The following MMRN1 variants were observed in gnomAD, a reference collection of about 807,000 sequenced individuals.
MMRN1 encodes the protein multimerin 1, also known as multimerin-1.
Under a neutral mutation model 100.7 loss-of-function variants are expected in MMRN1, and 94 were observed. The observed-to-expected ratio is 0.93, with a 90% CI of 0.79 to 1.11. The LOEUF is 1.11. Ranked by LOEUF, MMRN1 falls within the 50% of genes least tolerant of loss-of-function variation. The pLI is 0.00. For synonymous variants in MMRN1, 575 were observed against 505.0 expected, an observed-to-expected ratio of 1.14 and a Z score of -1.86; for missense variants, 1,606 against 1,439.1, an observed-to-expected ratio of 1.12 and a Z score of -1.88.
At chr4:89,919,638 A>G (rs1722027302) in intron 3 of MMRN1, among the ~76,000 whole-genome samples, 1 of 151,914 alleles carries the variant, frequency 6.6e-6, no homozygotes, top group Non-Finnish European at 1.5e-5. Context: ...TTCCAGACTA[A>G]CTGAGTTTGC....
chr4:89,945,129 T>C (rs1343433882), intron 6 of MMRN1, among the ~76,000 whole-genome samples: 1 of 152,224 alleles, frequency 6.6e-6, no homozygotes, highest in Non-Finnish European at 1.5e-5. Flanking sequence ...CTTTGGAGTC[T>C]GGCTTCTTTC....
In MMRN1 at chr4:89,887,850, A is replaced by G. The variant is rs529652661; in HGVS notation, c.-248-6874A>G. The stretch of plus-strand genomic sequence containing the variant: ...ACAAATGCTATCAATCTCACCATAC[A>G]TTATTGCTGTGATTTTTATCTCAAC... On this transcript the variant is annotated intron_variant, in intron 1 of 8. Coordinates refer to the MMRN1 transcript ENST00000394980. Among the ~76,000 whole-genome samples, 3 of 151,960 alleles carry G rather than the reference A, an allele frequency of 2.0e-5. No homozygotes were observed. In the South Asian group the frequency reaches 6.2e-4, roughly 32 times the overall value.
In MMRN1 at chr4:89,887,106, A is replaced by G. The variant is rs187278468; in HGVS notation, c.-249+7504A>G. Among the ~76,000 whole-genome samples, 500 of 152,208 alleles carry G rather than the reference A, an allele frequency of 3.3e-3. 1 individual carries two copies. The highest frequency in any genetic ancestry group is 0.012 in the African/African-American group (487 of 41,562). ...CCCACAAATTAAAGAAAACATGTGT[A>G]TGTTTTTGAAGCCTTTGTCAAAAAT... is the stretch of plus-strand genomic sequence containing the variant. On this transcript the variant is annotated intron_variant, in intron 1 of 8. Coordinates refer to the MMRN1 transcript ENST00000394980.
chr4:89,889,826 T>C (rs1721011363), intron 1 of MMRN1, among the ~76,000 whole-genome samples: 1 of 151,894 alleles, frequency 6.6e-6, no homozygotes, highest in African/African-American at 2.4e-5. Context: ...AAAATCTTCT[T>C]CTACTTGCAA....
At chr4:89,895,918 T>C (rs1721192231) in intron 1 of MMRN1, among the ~76,000 whole-genome samples, 1 of 152,152 alleles carries the variant, frequency 6.6e-6, no homozygotes, top group African/African-American at 2.4e-5. Context: ...GATATGTTGA[T>C]TGTGTTCCCA....
At chr4:89,909,133 A>G in intron 1 of MMRN1, 143 bp from the exon 2 acceptor site, 1 of 756,730 alleles carries the variant, frequency 1.3e-6, no homozygotes, top group Non-Finnish European at 2.0e-6. Flanking sequence ...TTATATTTAA[A>G]TATTTTAAAG....
intron 6 of MMRN1, among the ~76,000 whole-genome samples, chr4:89,938,654 G>T (rs1408397215): frequency 4.0e-5 from 6 of 151,370 alleles, no homozygotes; most frequent in Non-Finnish European, 8.8e-5. Flanking sequence ...TATAAAAATT[G>T]TATCTAGATA....
chr4:89,896,292 G>T (rs1721205524), intron 1 of MMRN1, among the ~76,000 whole-genome samples: 1 of 152,118 alleles, frequency 6.6e-6, no homozygotes, highest in South Asian at 2.1e-4. Flanking sequence ...TGATTATTTT[G>T]AGTTGTGTTG....
intron 1 of MMRN1, among the ~76,000 whole-genome samples, chr4:89,882,482 G>C (rs188516911): frequency 6.6e-6 from 1 of 151,720 alleles, no homozygotes; most frequent in Non-Finnish European, 1.5e-5. Flanking sequence ...TTAAATTTTA[G>C]TTGAACACTT....
At chr4:89,941,682 T>A (rs1159042850) in intron 6 of MMRN1, among the ~76,000 whole-genome samples, 1 of 152,090 alleles carries the variant, frequency 6.6e-6, no homozygotes, top group African/African-American at 2.4e-5. Context: ...GAAGTCAAGT[T>A]CCCAGATGCT....
At chr4:89,947,561 G>A (rs916449058) in intron 6 of MMRN1, among the ~76,000 whole-genome samples, 6 of 152,128 alleles carry the variant, frequency 3.9e-5, no homozygotes, top group Admixed American at 1.3e-4. Context: ...ACTCTTGTTG[G>A]AAGTAAGAAA....
intron 6 of MMRN1, 119 bp downstream of exon 6, chr4:89,936,917 T>G: frequency 1.1e-6 from 1 of 890,956 alleles, no homozygotes; most frequent in African/African-American, 1.7e-5. Flanking sequence ...CTTGGATAGA[T>G]AGTCAAGTTG....
Position 89,895,094 on chromosome 4 carries a change from T to A in MMRN1, c.123T>A (p.Ser41=). Reference sequence around the variant, plus strand: ...GGAACTCTCAGAAGACTATGCCTTCTGCTTCAGTTCCTCCAAATAAAATAC... The same window carrying A: ...GGAACTCTCAGAAGACTATGCCTTCAGCTTCAGTTCCTCCAAATAAAATAC... The part of the protein sequence containing the change: ...EDGNSQKTMP[S]ASVPPNKIQS... Residue 41 remains serine, a synonymous_variant, in exon 1 of 8, where the codon TCT becomes TCA. Coordinates refer to ENST00000264790, the MANE Select transcript of MMRN1 (RefSeq NM_007351.3). 6.2e-7 allele frequency: 1 copy of A among 1,613,938 alleles called. No individual in the cohort carries two copies.
chr4:89,908,956 T>C (rs1210041008), intron 1 of MMRN1, among the ~76,000 whole-genome samples: 1 of 151,420 alleles, frequency 6.6e-6, no homozygotes, highest in Non-Finnish European at 1.5e-5. Context: ...ATCTCAGTAC[T>C]AATATTAATA....
chr4:89,883,570 T>C (rs147345671), intron 1 of MMRN1, among the ~76,000 whole-genome samples: 188 of 152,286 alleles, frequency 1.2e-3, no homozygotes, highest in African/African-American at 4.4e-3. Context: ...TCAGGGCTTT[T>C]GACAATTTAT....
rs546427517 is a variant in MMRN1 at position 89,880,682 on chromosome 4, T to G, written c.-249+1080T>G. On this transcript the variant is annotated intron_variant, in intron 1 of 8. Transcript: ENST00000394980. ...GAATTGATAAATTATAGCTTTGGTTTCTTATATAACATCTCTCCTTTTTAC... is the reference window on the plus strand; with the variant it reads ...GAATTGATAAATTATAGCTTTGGTTGCTTATATAACATCTCTCCTTTTTAC... Among the ~76,000 whole-genome samples, 4 of 152,254 alleles carry G rather than the reference T, an allele frequency of 2.6e-5. No homozygotes were observed. In the South Asian group the frequency reaches 8.3e-4, roughly 32 times the overall value.
At chr4:89,902,044 A>T (rs1721406000) in intron 1 of MMRN1, 1 of 151,912 alleles carries the variant, frequency 6.6e-6, no homozygotes, top group Admixed American at 6.6e-5. Flanking sequence ...TGGAATAGAA[A>T]CAGTTTACAA....
chr4:89,931,508 T>C (rs886586402), intron 5 of MMRN1, among the ~76,000 whole-genome samples: 2 of 150,642 alleles, frequency 1.3e-5, no homozygotes, highest in African/African-American at 2.5e-5. Flanking sequence ...TTTTACATTA[T>C]AGTCATTGAT....
intron 5 of MMRN1, among the ~76,000 whole-genome samples, chr4:89,931,678 G>A (rs571630333): frequency 2.8e-4 from 42 of 152,294 alleles, no homozygotes; most frequent in Middle Eastern, 3.4e-3. Flanking sequence ...CTTACATGGT[G>A]GCAGGCAAGA....
Sources: gnomAD v4.1 joint callset for allele counts (sites outside exome capture counted in the v4.1 genomes callset) on GRCh38, gnomAD v4.1.1 for gene constraint, MANE v1.5 for transcripts, NCBI Gene and HGNC (gene_info 2026-07-23, HGNC 2026-07-21) for gene names.